The following GLIS2 variants were observed in gnomAD, a reference collection of about 807,000 sequenced individuals.
GLIS2 encodes GLIS family zinc finger 2.
Under a neutral mutation model 35.6 loss-of-function variants are expected in GLIS2, and 14 were observed. That is an observed-to-expected ratio of 0.39 (90% CI 0.26 to 0.61). The LOEUF (loss-of-function observed/expected upper bound fraction) is 0.61. GLIS2 is among the 20% of genes least tolerant of loss of function. The probability of loss-of-function intolerance (pLI) is 0.48; values close to 1 mark genes in which losing one functional copy is unlikely to be tolerated. For missense variants in GLIS2, 675 were observed against 713.4 expected, an observed-to-expected ratio of 0.95 and a Z score of 0.61; for synonymous variants, 368 against 325.1, an observed-to-expected ratio of 1.13 and a Z score of -1.42.
chr16:4,327,405 C>G (rs549271614), intron 1 of GLIS2, among the ~76,000 whole-genome samples: 3 of 152,374 alleles, frequency 2.0e-5, no homozygotes, highest in African/African-American at 7.2e-5. Flanking sequence ...TGACCCACCC[C>G]AGGCCAAGGG....
chr16:4,316,607 G>C lies in GLIS2; in HGVS notation c.-67+353G>C, dbSNP rs1036547967. 5.9e-5 allele frequency among the ~76,000 whole-genome samples: 9 copies of C among 151,942 alleles called. No homozygotes were observed. In the East Asian group the frequency reaches 1.6e-3, roughly 27 times the overall value. Reference sequence around the variant, plus strand: ...GGGGGGCGTGCGGCGAGGTGAGAGGGGGGTACCCGGAGCCTGGGCATGAAG... The same window carrying C: ...GGGGGGCGTGCGGCGAGGTGAGAGGCGGGTACCCGGAGCCTGGGCATGAAG... On this transcript the variant is annotated intron_variant, in intron 1 of 6. Coordinates refer to ENST00000433375, the MANE Select transcript of GLIS2 (RefSeq NM_032575.3).
rs1338709612 is a variant in GLIS2 at position 4,337,572 on chromosome 16, T to C, written c.*48T>C. ...GTGCCCCCCCGGCAGCTCCCGGCAC[T>C]GCCCCCGACGAACGGAAACTCTTCT... On this transcript the variant is annotated 3_prime_UTR_variant, in exon 7 of 7. Coordinates refer to ENST00000433375, the MANE Select transcript of GLIS2 (RefSeq NM_032575.3). 6.5e-7 allele frequency: 1 copy of C among 1,536,932 alleles called. No homozygotes were observed.
At chr16:4,329,485 T>C (rs1596238116) in intron 1 of GLIS2, among the ~76,000 whole-genome samples, 1 of 152,306 alleles carries the variant, frequency 6.6e-6, no homozygotes, top group East Asian at 1.9e-4. Flanking sequence ...GCAGCCCCCC[T>C]GTGCTGAGAC....
intron 1 of GLIS2, among the ~76,000 whole-genome samples, chr16:4,325,956 A>G (rs2053425862): frequency 7.1e-6 from 1 of 141,788 alleles, no homozygotes. Context: ...AAAAAAAAAA[A>G]GGCCAGACTT....
At position 4,323,220 on chromosome 16, in the gene GLIS2, A is replaced by T. The variant is rs547598347; in HGVS notation, c.-67+6966A>T. On this transcript the variant is annotated intron_variant, in intron 1 of 6. Transcript: ENST00000433375. ...TGTGCCCCAGCCTTGCTGGGCGTGC[A>T]TCCCTGTCTCGCTCCCTGGTGCCAG... Among the ~76,000 whole-genome samples the T allele has an allele frequency of 5.3e-5, 8 of 152,230 alleles. No individual in the cohort carries two copies. The South Asian group carries it at 1.7e-3, about 32-fold the overall frequency.
intron 1 of GLIS2, among the ~76,000 whole-genome samples, chr16:4,322,150 G>A (rs1204988406): frequency 1.3e-5 from 2 of 151,814 alleles, no homozygotes; most frequent in Admixed American, 1.3e-4. Context: ...CCAGGGGGCA[G>A]GGGATCCTGA....
chr16:4,336,682 G>T, intron 6 of GLIS2, 43 bp from the exon 7 acceptor site: 3 of 1,550,518 alleles, frequency 1.9e-6, no homozygotes, highest in Non-Finnish European at 2.6e-6. Flanking sequence ...CCCAGGAAGG[G>T]GAGAGACCCC....
intron 1 of GLIS2, among the ~76,000 whole-genome samples, chr16:4,318,883 G>C (rs137973892): frequency 6.6e-6 from 1 of 152,246 alleles, no homozygotes; most frequent in Non-Finnish European, 1.5e-5. Context: ...GGACCAGGGG[G>C]TGAGGGCCAG....
At chr16:4,319,685 T>C (rs1457256043) in intron 1 of GLIS2, among the ~76,000 whole-genome samples, 1 of 152,112 alleles carries the variant, frequency 6.6e-6, no homozygotes, top group Non-Finnish European at 1.5e-5. Flanking sequence ...CAAGCACCTC[T>C]AGTACTCTGC....
chr16:4,339,021 G>C lies in GLIS2; in HGVS notation c.*1497G>C, dbSNP rs2053594599. The stretch of plus-strand genomic sequence containing the variant: ...CTTGGGGTCCTTAGTGGCCCTGCAG[G>C]TCCTCTGGCAGCTCTGCTGACCCCA... On this transcript the variant is annotated 3_prime_UTR_variant, in exon 7 of 7. Transcript: ENST00000433375. 6.6e-6 allele frequency: 1 copy of C among 152,408 alleles called. No homozygotes were observed. The highest frequency in any genetic ancestry group is 1.5e-5 in the Non-Finnish European group (1 of 68,172). The allele number at this position is 152,408 out of a possible 1,614,324, so 9.4% of individuals were successfully genotyped here.
chr16:4,319,906 G>C (rs1165941394), intron 1 of GLIS2, among the ~76,000 whole-genome samples: 2 of 152,148 alleles, frequency 1.3e-5, no homozygotes, highest in Non-Finnish European at 2.9e-5. Context: ...GAGGATTCTG[G>C]TTAGCTGGTG....
intron 1 of GLIS2, among the ~76,000 whole-genome samples, chr16:4,325,929 TAAAAAAAAA>T (rs58290393): frequency 4.2e-3 from 169 of 40,132 alleles, no homozygotes; most frequent in African/African-American, 0.018. Flanking sequence ...CTCTGTGTCT[TAAAAAAAAA>T]AAAAAAAAAA....
At chr16:4,336,685 G>A in intron 6 of GLIS2, 40 bp from the exon 7 acceptor site, 1 of 1,550,188 alleles carries the variant, frequency 6.5e-7, no homozygotes, top group Non-Finnish European at 8.8e-7. Context: ...AGGAAGGGGA[G>A]AGACCCCTCA....
chr16:4,322,760 C>T (rs1045096348), intron 1 of GLIS2, among the ~76,000 whole-genome samples: 1 of 152,188 alleles, frequency 6.6e-6, no homozygotes, highest in Non-Finnish European at 1.5e-5. Flanking sequence ...CAAGGTCCAC[C>T]GCCCGCCTTA....
chr16:4,315,257 C>G (rs1215701907), upstream of GLIS2: 1 of 152,228 alleles, frequency 6.6e-6, no homozygotes, highest in Non-Finnish European at 1.5e-5. Context: ...GGGAGTCGCC[C>G]GCCGTCTCAC....
In GLIS2 at chr16:4,335,465, A is replaced by C. The variant is rs1423247033; in HGVS notation, c.775+72A>C. The C allele has an allele frequency of 7.6e-7, 1 of 1,307,500 alleles. No individual in the cohort carries two copies. The highest frequency in any genetic ancestry group is 1.1e-6 in the Non-Finnish European group (1 of 905,122). 81.0% of individuals were successfully genotyped at this position (1,307,500 alleles called of 1,614,324 possible). A position where few individuals can be genotyped will look rare whatever the true frequency, so the allele number is the denominator to read the frequency against. The stretch of plus-strand genomic sequence containing the variant: ...GCTGAGACCGGCTGGGCAGGTCCCC[A>C]GGGGGAGGGGACTGTTAAGTAAATC... On this transcript the variant is annotated intron_variant, in intron 6 of 6. Transcript: ENST00000433375. The surrounding 1 kb of genome is among the most constrained non-coding windows in gnomAD (Gnocchi z 4.6).
At chr16:4,329,681 G>T (rs1305654833) in intron 1 of GLIS2, among the ~76,000 whole-genome samples, 1 of 152,198 alleles carries the variant, frequency 6.6e-6, no homozygotes, top group Non-Finnish European at 1.5e-5. Context: ...GGCTATGCTA[G>T]CCCCCAGGGA....
intron 6 of GLIS2, chr16:4,336,432 C>G (rs1244547987): frequency 6.9e-6 from 4 of 577,434 alleles, no homozygotes; most frequent in Non-Finnish European, 1.2e-5. Context: ...CAGGCGTGAG[C>G]CACCGGGCCC....
In GLIS2 at chr16:4,336,984, C is replaced by T; in HGVS notation, c.1035C>T (p.Gly345=). 1 of 1,609,024 alleles carries T rather than the reference C, an allele frequency of 6.2e-7. No individual in the cohort carries two copies. Among genetic ancestry groups the T allele is most frequent in the Non-Finnish European group, 8.5e-7 (1 of 1,178,956 alleles). The change falls in exon 7 of 7, where the codon GGC becomes GGT. Residue 345 remains glycine, a synonymous_variant. Coordinates refer to ENST00000433375, the MANE Select transcript of GLIS2 (RefSeq NM_032575.3). ...PKPPLPAPDG[G]PYVSGAQIII... The stretch of plus-strand genomic sequence containing the variant: ...CGCCACTGCCCGCCCCCGACGGCGG[C>T]CCCTATGTCAGTGGGGCCCAGATCA...
Sources: allele counts gnomAD v4.1 joint callset (sites outside exome capture counted in the v4.1 genomes callset), GRCh38; gene constraint gnomAD v4.1.1; non-coding constraint Gnocchi (gnomAD v3.1); transcripts MANE v1.5; gene names NCBI Gene and HGNC (gene_info 2026-07-23, HGNC 2026-07-21).